The following AFF1 variants were observed in gnomAD, a reference collection of about 807,000 sequenced individuals.
AFF1 encodes AF4/FMR2 family member 1.
Under a neutral mutation model 121.7 loss-of-function variants are expected in AFF1, and 48 were observed. That is an observed-to-expected ratio of 0.39 (90% CI 0.31 to 0.50). The LOEUF is 0.50. Among genes scored for constraint, AFF1 ranks in the 20% least tolerant of loss-of-function variants. The pLI, the probability that AFF1 is intolerant of heterozygous loss-of-function variation, is 0.76. For synonymous variants in AFF1, 613 were observed against 563.0 expected (o/e 1.09, Z -1.26); for missense variants, 1,523 against 1,511.7 (o/e 1.01, Z -0.12).
At chr4:86,942,316 T>C (rs1028837121) in intron 1 of AFF1, among the ~76,000 whole-genome samples, 44 of 152,248 alleles carry the variant, frequency 2.9e-4, no homozygotes, top group African/African-American at 1.1e-3. Flanking sequence ...CCATGTGCTT[T>C]TCTGTGTTTC....
chr4:86,953,955 C>T (rs1721563019), intron 2 of AFF1, among the ~76,000 whole-genome samples: 1 of 152,158 alleles, frequency 6.6e-6, no homozygotes. Context: ...AGGTGATCTA[C>T]CTGCCTCGGC....
At chr4:86,985,158 TATA>T (rs10617921) in intron 2 of AFF1, among the ~76,000 whole-genome samples, 85,552 of 122,612 alleles carry the variant, frequency 0.7, 31,063 homozygotes, top group South Asian at 0.83. Flanking sequence ...TATATAAAAA[TATA>T]ATATATATAA....
intron 1 of AFF1, among the ~76,000 whole-genome samples, chr4:86,941,780 G>A (rs2149442016): frequency 6.6e-6 from 1 of 152,304 alleles, no homozygotes; most frequent in Middle Eastern, 3.4e-3. Flanking sequence ...GCTGTGGTGA[G>A]CTGAGATCCT....
rs746639911 is a variant in AFF1, at chr4:87,114,802, C to T, written c.1969C>T (p.Arg657Trp). 25 of 1,612,674 alleles carry T rather than the reference C, an allele frequency of 1.6e-5. No homozygotes were observed. Among genetic ancestry groups the T allele is most frequent in the Admixed American group, 1.3e-4 (8 of 59,710 alleles). ...KDKPKVKTKG[R>W]PRAAASNEPK... ...CAAGCCCAAGGTGAAGACGAAAGGA[C>T]GGCCCCGGGCCGCAGCAAGCAACGA... Residue 657 changes from arginine to tryptophan, a missense_variant, in exon 12 of 21, where the codon CGG (arginine) becomes TGG (tryptophan). Coordinates refer to ENST00000395146, the MANE Select transcript of AFF1 (RefSeq NM_001166693.3).
intron 2 of AFF1, among the ~76,000 whole-genome samples, chr4:86,953,818 C>T (rs1011850057): frequency 1.3e-5 from 2 of 151,886 alleles, no homozygotes; most frequent in Non-Finnish European, 2.9e-5. Context: ...CTCCTGGGTT[C>T]AAGCGATTCT....
At chr4:86,945,508 T>TTTG (rs1309618455) in intron 1 of AFF1, among the ~76,000 whole-genome samples, 1 of 144,396 alleles carries the variant, frequency 6.9e-6, no homozygotes, top group African/African-American at 2.6e-5. Context: ...TTTTTTTTTT[T>TTTG]TTTTTTTTTT....
intron 2 of AFF1, among the ~76,000 whole-genome samples, chr4:87,005,890 C>T (rs968945194): frequency 6.6e-6 from 1 of 152,226 alleles, no homozygotes; most frequent in Non-Finnish European, 1.5e-5. Flanking sequence ...TGCGAAGGCG[C>T]CAGCAGTTTC....
At chr4:87,074,826 TTC>T (rs1390034075) in intron 4 of AFF1, among the ~76,000 whole-genome samples, 5 of 152,240 alleles carry the variant, frequency 3.3e-5, no homozygotes, top group Non-Finnish European at 7.3e-5. Context: ...TTGTTACTGC[TTC>T]TCTCATTATT....
intron 2 of AFF1, among the ~76,000 whole-genome samples, chr4:87,045,868 G>T (rs555863336): frequency 1.3e-5 from 2 of 152,182 alleles, no homozygotes; most frequent in African/African-American, 2.4e-5. Flanking sequence ...CAGTTCCACT[G>T]CTGCCTATAA....
At chr4:87,030,595 G>T (rs934633279) in intron 2 of AFF1, among the ~76,000 whole-genome samples, 2 of 151,598 alleles carry the variant, frequency 1.3e-5, no homozygotes, top group Non-Finnish European at 2.9e-5. Flanking sequence ...GGAAATAAGC[G>T]AACAGTTTGG....
At chr4:86,983,259 G>A (rs1055044098) in intron 2 of AFF1, among the ~76,000 whole-genome samples, 1 of 152,258 alleles carries the variant, frequency 6.6e-6, no homozygotes, top group Non-Finnish European at 1.5e-5. Context: ...TGGGCACAGC[G>A]GTTCACTCCT....
intron 4 of AFF1, among the ~76,000 whole-genome samples, chr4:87,058,426 C>T (rs1407856437): frequency 6.6e-6 from 1 of 152,144 alleles, no homozygotes; most frequent in African/African-American, 2.4e-5. Context: ...GGCCATGTGG[C>T]TTGCACTGAG....
chr4:87,120,643 C>T (rs887875437), intron 12 of AFF1, among the ~76,000 whole-genome samples: 1 of 152,194 alleles, frequency 6.6e-6, no homozygotes, highest in Non-Finnish European at 1.5e-5. Context: ...CTGGCGCTGC[C>T]GGTGAATAAG....
chr4:87,058,812 C>A (rs1720424542), intron 4 of AFF1, among the ~76,000 whole-genome samples: 1 of 152,120 alleles, frequency 6.6e-6, no homozygotes, highest in African/African-American at 2.4e-5. Flanking sequence ...CCTCCCCTCC[C>A]CTCTACTTGC....
At chr4:86,958,044 G>T (rs965176890) in intron 2 of AFF1, among the ~76,000 whole-genome samples, 1 of 149,714 alleles carries the variant, frequency 6.7e-6, no homozygotes, top group African/African-American at 2.5e-5. Flanking sequence ...TAACATCTTG[G>T]ATTCGTCTAA....
At chr4:87,039,586 A>G (rs901883683) in intron 2 of AFF1, among the ~76,000 whole-genome samples, 3 of 152,182 alleles carry the variant, frequency 2.0e-5, no homozygotes, top group East Asian at 1.9e-4. Flanking sequence ...CTCACCAGGC[A>G]CTGGACACTG....
At chr4:87,001,650 C>T (rs1725736338) in intron 2 of AFF1, among the ~76,000 whole-genome samples, 1 of 152,084 alleles carries the variant, frequency 6.6e-6, no homozygotes, top group African/African-American at 2.4e-5. Context: ...CTCCAGGTAA[C>T]CCCAGTTTAA....
intron 2 of AFF1, among the ~76,000 whole-genome samples, chr4:86,980,507 G>A (rs1578887229): frequency 6.6e-6 from 1 of 152,054 alleles, no homozygotes; most frequent in African/African-American, 2.4e-5. Flanking sequence ...AATAAAAAAG[G>A]AAACCCATTT....
At chr4:87,107,056 C>T (rs1310210089) in intron 10 of AFF1, among the ~76,000 whole-genome samples, 1 of 150,742 alleles carries the variant, frequency 6.6e-6, no homozygotes, top group Non-Finnish European at 1.5e-5. Flanking sequence ...GAGTGTATCC[C>T]CTTTTGCTCA....
Sources: gnomAD v4.1 joint callset for allele counts (sites outside exome capture counted in the v4.1 genomes callset) on GRCh38, gnomAD v4.1.1 for gene constraint, MANE v1.5 for transcripts, NCBI Gene and HGNC (gene_info 2026-07-23, HGNC 2026-07-21) for gene names.